The following FYN variants were observed in gnomAD, a reference collection of about 807,000 sequenced individuals.
FYN encodes the protein tyrosine-protein kinase Fyn.
Under a neutral mutation model 70.2 loss-of-function variants are expected in FYN, and 10 were observed. That is an observed-to-expected ratio of 0.14 (90% confidence interval 0.09 to 0.24). The LOEUF (loss-of-function observed/expected upper bound fraction) is 0.24. Among genes scored for constraint, FYN ranks in the 10% least tolerant of loss-of-function variants. The probability of loss-of-function intolerance (pLI) is 1.00; values close to 1 mark genes in which losing one functional copy is unlikely to be tolerated. For missense variants in FYN, 319 were observed against 673.1 expected, an observed-to-expected ratio of 0.47 and a Z score of 5.82; for synonymous variants, 236 against 248.6, an observed-to-expected ratio of 0.95 and a Z score of 0.48.
chr6:111,776,584 A>G (rs1770947464), intron 3 of FYN, among the ~76,000 whole-genome samples: 1 of 152,222 alleles, frequency 6.6e-6, no homozygotes, highest in South Asian at 2.1e-4. Flanking sequence ...GAAGGGTAGT[A>G]AAGTTGAGAG....
intron 2 of FYN, among the ~76,000 whole-genome samples, chr6:111,843,443 G>A (rs1233551414): frequency 2.0e-5 from 3 of 152,164 alleles, no homozygotes; most frequent in East Asian, 1.9e-4. Flanking sequence ...ATGATATCTG[G>A]AACTGTAACC....
chr6:111,779,119 AC>A (rs1771070442), intron 3 of FYN, among the ~76,000 whole-genome samples: 1 of 126,458 alleles, frequency 7.9e-6, no homozygotes, highest in African/African-American at 3.4e-5. Flanking sequence ...TCAGTAGGAG[AC>A]ATTTTTTTTT....
At chr6:111,749,127 G>A (rs1216983207) in intron 3 of FYN, among the ~76,000 whole-genome samples, 2 of 152,026 alleles carry the variant, frequency 1.3e-5, no homozygotes, top group Non-Finnish European at 2.9e-5. Flanking sequence ...AGATCATCTC[G>A]GACACTTCTT....
At chr6:111,872,078 A>C (rs1343218428) in intron 1 of FYN, among the ~76,000 whole-genome samples, 1 of 152,002 alleles carries the variant, frequency 6.6e-6, no homozygotes, top group African/African-American at 2.4e-5. Flanking sequence ...TCACACTCAC[A>C]CTCACACACC....
chr6:111,801,401 CATTTTT>C (rs947554737), intron 2 of FYN, among the ~76,000 whole-genome samples: 5 of 152,200 alleles, frequency 3.3e-5, no homozygotes, highest in African/African-American at 1.2e-4. Flanking sequence ...AGGAGCTCCC[CATTTTT>C]CTTTTATCAC....
chr6:111,871,385 C>T (rs547438005), intron 1 of FYN, among the ~76,000 whole-genome samples: 1 of 152,148 alleles, frequency 6.6e-6, no homozygotes, highest in African/African-American at 2.4e-5. Context: ...GAAGACAGTA[C>T]ATAGGGTGGA....
intron 3 of FYN, among the ~76,000 whole-genome samples, chr6:111,757,389 G>GGAAGACCTACAGAATA (rs1802786137): frequency 6.6e-6 from 1 of 152,090 alleles, no homozygotes; most frequent in Non-Finnish European, 1.5e-5. Flanking sequence ...AAGACCTACA[G>GGAAGACCTACAGAATA]GATTCCTCTC....
intron 10 of FYN, among the ~76,000 whole-genome samples, chr6:111,695,364 G>A (rs777567847): frequency 9.2e-5 from 14 of 152,174 alleles, no homozygotes; most frequent in Non-Finnish European, 1.3e-4. Context: ...ATCACAGCCA[G>A]CCAAGCCTTA....
chr6:111,840,705 A>G (rs1773332257), intron 2 of FYN, among the ~76,000 whole-genome samples: 1 of 152,238 alleles, frequency 6.6e-6, no homozygotes, highest in Non-Finnish European at 1.5e-5. Context: ...TTTATGGCCT[A>G]TACAACACCA....
Position 111,873,161 on chromosome 6 carries a change from G to C in FYN, c.-316C>G, listed in dbSNP as rs1383891073. ...CTCCCTGGCGCGGGCGGCGGCCGCC[G>C]GGCGGTGCGGCGCGGGCGGCGGCTT... is the stretch of plus-strand genomic sequence containing the variant. On this transcript the variant is annotated 5_prime_UTR_variant, in exon 1 of 14. Coordinates refer to ENST00000354650, the MANE Select transcript of FYN (RefSeq NM_002037.5). 6.8e-6 allele frequency: 1 copy of C among 146,532 alleles called. No homozygotes were observed. Among genetic ancestry groups the C allele is most frequent in the African/African-American group, 2.5e-5 (1 of 40,466 alleles). The allele number at this position is 146,532 out of a possible 1,614,324, so 9.1% of individuals were successfully genotyped here.
intron 3 of FYN, among the ~76,000 whole-genome samples, chr6:111,750,728 T>C (rs1802449052): frequency 6.6e-6 from 1 of 151,700 alleles, no homozygotes; most frequent in South Asian, 2.1e-4. Flanking sequence ...TTTTTTTTTT[T>C]TTTTTTTTAC....
chr6:111,684,197 A>C lies in FYN; in HGVS notation c.1274-9567T>G, dbSNP rs1359736235. On this transcript the variant is annotated intron_variant, in intron 12 of 13. Transcript: ENST00000354650. The stretch of plus-strand genomic sequence containing the variant: ...GTCCCACCGGGGATGTGAGTGGAGA[A>C]GGGACAAGTTAGGCCAAGGAGGACA... Among the ~76,000 whole-genome samples, 3 of 152,208 alleles carry C rather than the reference A, an allele frequency of 2.0e-5. No homozygotes were observed. The East Asian group carries it at 5.8e-4, about 29-fold the overall frequency.
chr6:111,866,699 G>A (rs547056100), intron 1 of FYN, among the ~76,000 whole-genome samples: 1 of 152,334 alleles, frequency 6.6e-6, no homozygotes, highest in East Asian at 1.9e-4. Context: ...GAAACCTGGT[G>A]ACTTTGCCAT....
chr6:111,860,564 G>A (rs746537589), intron 1 of FYN, among the ~76,000 whole-genome samples: 1 of 152,106 alleles, frequency 6.6e-6, no homozygotes, highest in Non-Finnish European at 1.5e-5. Flanking sequence ...CCCAGATTAG[G>A]GACTCTTCCC....
At chr6:111,867,063 T>C (rs928607560) in intron 1 of FYN, among the ~76,000 whole-genome samples, 3 of 152,236 alleles carry the variant, frequency 2.0e-5, no homozygotes, top group Non-Finnish European at 4.4e-5. Context: ...CCTCTGTTCC[T>C]GGGCTTGCTC....
chr6:111,682,145 A>C (rs1414669563), intron 12 of FYN, among the ~76,000 whole-genome samples: 3 of 152,244 alleles, frequency 2.0e-5, no homozygotes, highest in Non-Finnish European at 4.4e-5. Context: ...GTTATCTGAC[A>C]CCCTGACGGT....
rs1159036113 is a variant in FYN at position 111,661,671 on chromosome 6, G to A, written c.*68C>T. On this transcript the variant is annotated 3_prime_UTR_variant, in exon 14 of 14. Transcript: ENST00000354650. This position sits in a 1 kb window ranked among gnomAD's most constrained non-coding sequence, Gnocchi z 4.0. ...CGCTGCTGGGGAGCAGCTGGCTACG[G>A]AATTGAAAGCTAATGGGGAGGGGTG... The A allele has an allele frequency of 6.9e-7, 1 of 1,445,706 alleles. No individual in the cohort carries two copies. The highest frequency in any genetic ancestry group is 9.5e-7 in the Non-Finnish European group (1 of 1,050,780). The allele number at this position is 1,445,706 out of a possible 1,614,324, so 89.6% of individuals were successfully genotyped here. A position where few individuals can be genotyped will look rare whatever the true frequency, so the allele number is the denominator to read the frequency against.
intron 2 of FYN, among the ~76,000 whole-genome samples, chr6:111,815,594 A>G (rs978732080): frequency 7.2e-5 from 11 of 152,230 alleles, no homozygotes; most frequent in Non-Finnish European, 1.5e-4. Flanking sequence ...CATTTTTGTA[A>G]AATATATAAC....
At chr6:111,767,188 T>C (rs1167090671) in intron 3 of FYN, among the ~76,000 whole-genome samples, 1 of 152,184 alleles carries the variant, frequency 6.6e-6, no homozygotes, top group Non-Finnish European at 1.5e-5. Flanking sequence ...GCTATGATCA[T>C]TTGATCTTTT....
Sources: allele counts gnomAD v4.1 joint callset (sites outside exome capture counted in the v4.1 genomes callset), GRCh38; gene constraint gnomAD v4.1.1; non-coding constraint Gnocchi (gnomAD v3.1); transcripts MANE v1.5; gene names NCBI Gene and HGNC (gene_info 2026-07-23, HGNC 2026-07-21).